The following SRRM2 variants were observed in gnomAD, a reference collection of about 807,000 sequenced individuals.
The protein encoded by SRRM2 is serine/arginine repetitive matrix protein 2.
SRRM2 carries 30 observed loss-of-function variants against 213.8 expected under a neutral mutation model. The ratio of observed to expected loss-of-function variants is 0.14; its 90% confidence interval spans 0.10 to 0.19. The LOEUF (loss-of-function observed/expected upper bound fraction) is 0.19. Among genes scored for constraint, SRRM2 ranks in the 10% least tolerant of loss-of-function variants. The probability of loss-of-function intolerance (pLI) is 1.00; values close to 1 mark genes in which losing one functional copy is unlikely to be tolerated. For missense variants in SRRM2, 4,904 were observed against 3,647.0 expected (o/e 1.34, Z -8.88); for synonymous variants, 2,025 against 1,377.7 (o/e 1.47, Z -10.40).
chr16:2,756,445 G>C lies in SRRM2; in HGVS notation c.81G>C (p.Arg27=). 1 of 1,613,060 alleles carries C rather than the reference G, an allele frequency of 6.2e-7. No individual in the cohort carries two copies. The highest frequency in any genetic ancestry group is 8.5e-7 in the Non-Finnish European group (1 of 1,179,604). ...GYVQRNLSLV[R]GRRGERPDYK... ...TCCAGCGCAACCTGTCCCTGGTGCGGGGCCGCCGGGGTGAGCGGCCTGACT... is the reference window on the plus strand; with the variant it reads ...TCCAGCGCAACCTGTCCCTGGTGCGCGGCCGCCGGGGTGAGCGGCCTGACT... Residue 27 remains arginine, a synonymous_variant, in exon 2 of 15, where the codon CGG becomes CGC. Transcript: ENST00000301740.
chr16:2,758,868 C>CAT, intron 5 of SRRM2, 117 bp from the exon 6 acceptor site: 1 of 1,077,424 alleles, frequency 9.3e-7, no homozygotes, highest in Non-Finnish European at 1.4e-6. Flanking sequence ...AGGTCTGGGG[C>CAT]ATTAGTGCTA....
intron 12 of SRRM2, 182 bp downstream of exon 12, chr16:2,769,466 G>A (rs564940642): frequency 1.1e-4 from 79 of 710,974 alleles, no homozygotes; most frequent in South Asian, 9.6e-4. Context: ...GAAGGGCTGC[G>A]CCATCCACAG....
chr16:2,769,630 T>C (rs981913760), intron 12 of SRRM2: 1 of 581,676 alleles, frequency 1.7e-6, no homozygotes, highest in South Asian at 1.5e-5. Flanking sequence ...GTCCACAGCC[T>C]CCTCCCTGTC....
At chr16:2,755,341 C>G (rs1023228439) in intron 1 of SRRM2, among the ~76,000 whole-genome samples, 1 of 152,082 alleles carries the variant, frequency 6.6e-6, no homozygotes, top group African/African-American at 2.4e-5. Context: ...CTAGGAAGTG[C>G]TATCCAGGGG....
Position 2,760,605 on chromosome 16 carries a change from C to G in SRRM2, c.1032+106C>G, listed in dbSNP as rs192291683. 1.4e-5 allele frequency: 19 copies of G among 1,352,926 alleles called. No homozygotes were observed. In the Admixed American group the frequency reaches 3.7e-4, roughly 26 times the overall value. The allele number at this position is 1,352,926 out of a possible 1,614,324, so 83.8% of individuals were successfully genotyped here. A position where few individuals can be genotyped will look rare whatever the true frequency, so the allele number is the denominator to read the frequency against. On this transcript the variant is annotated intron_variant, in intron 10 of 14. Coordinates refer to ENST00000301740, the MANE Select transcript of SRRM2 (RefSeq NM_016333.4). ...AATAACTTATTAAAATAAATAAATT[C>G]AGTTTTTTTTCCTGCATTTCTCTCC... is the stretch of plus-strand genomic sequence containing the variant.
At chr16:2,752,880 G>A in intron 1 of SRRM2, 34 bp downstream of exon 1, 1 of 200,624 alleles carries the variant, frequency 5.0e-6, no homozygotes, top group Non-Finnish European at 1.0e-5. Context: ...AGCCGGGTGG[G>A]GGAGGGGCGG....
At position 2,759,017 on chromosome 16, in the gene SRRM2, G is replaced by A; in HGVS notation, c.626G>A (p.Arg209Lys). Residue 209 changes from arginine to lysine, a missense_variant, in exon 6 of 15, where the codon AGA (arginine) becomes AAA (lysine). Physicochemically the swap from Arg to Lys is conservative, Grantham distance 26 (BLOSUM62 2). Transcript: ENST00000301740. Reference sequence around the variant, plus strand: ...GAGAGCAGCTCTCCTCGACGGGAGAGAAAGAAAAGCTCAAAGAAGAAGAAG... The same window carrying A: ...GAGAGCAGCTCTCCTCGACGGGAGAAAAAGAAAAGCTCAAAGAAGAAGAAG... ...RSESSSPRRE[R>K]KKSSKKKKHR... The A allele has an allele frequency of 6.2e-7, 1 of 1,614,212 alleles. No individual in the cohort carries two copies. The highest frequency in any genetic ancestry group is 8.5e-7 in the Non-Finnish European group (1 of 1,180,038).
Position 2,762,720 on chromosome 16 carries a change from A to G in SRRM2, c.2192A>G (p.Lys731Arg), listed in dbSNP as rs1389312937. Residue 731 changes from lysine (K) to arginine (R), a missense_variant, in exon 11 of 15, where the codon AAA becomes AGA. Physicochemically the swap from Lys to Arg is conservative, Grantham distance 26. Transcript: ENST00000301740. ...RGRSGSSSER[K>R]NKSRTSQRRS... The stretch of plus-strand genomic sequence containing the variant: ...AGATCTGGCTCATCTTCAGAGCGGA[A>G]AAACAAATCCAGAACATCTCAAAGA... 1.2e-6 allele frequency: 2 copies of G among 1,614,088 alleles called. No homozygotes were observed. Among genetic ancestry groups the G allele is most frequent in the Non-Finnish European group, 1.7e-6 (2 of 1,180,050 alleles).
chr16:2,766,488 C>T lies in SRRM2; in HGVS notation c.5960C>T (p.Ser1987Phe). ...CGCAGAAGATCAAGATCCAGAACAT[C>T]TCCGGTCACCCGAAGGAGATCTCGA... is the stretch of plus-strand genomic sequence containing the variant. ...ITRRRSRSRT[S>F]PVTRRRSRSR... The change falls in exon 11 of 15, where the codon TCT (serine) becomes TTT (phenylalanine). Residue 1987 changes from serine (S) to phenylalanine (F), a missense_variant. Ser to Phe is a radical substitution (Grantham distance 155). Transcript: ENST00000301740. This position sits in a 1 kb window ranked among gnomAD's most constrained non-coding sequence, Gnocchi z 7.0. 6.2e-7 allele frequency: 1 copy of T among 1,614,174 alleles called. No homozygotes were observed. Among genetic ancestry groups the T allele is most frequent in the South Asian group, 1.1e-5 (1 of 91,078 alleles).
Position 2,763,260 on chromosome 16 carries a change from G to A in SRRM2, c.2732G>A (p.Arg911Lys). The change falls in exon 11 of 15, where the codon AGG becomes AAG. Residue 911 changes from arginine to lysine, a missense_variant. By Grantham distance (26) the Arg-to-Lys change is conservative (BLOSUM62 2). Transcript: ENST00000301740. ...ACACCTCCCAGACAGAGCCCATCTA[G>A]GTCATCATCTCCACAACCCAAAGTG... ...SSTPPRQSPS[R>K]SSSPQPKVKA... The A allele has an allele frequency of 6.2e-7, 1 of 1,614,084 alleles. No individual in the cohort carries two copies. The highest frequency in any genetic ancestry group is 8.5e-7 in the Non-Finnish European group (1 of 1,180,002).
rs1481294230 is a variant in SRRM2, at chr16:2,762,880, A to G, written c.2352A>G (p.Pro784=). Residue 784 remains proline, a synonymous_variant, in exon 11 of 15, where the codon CCA becomes CCG. Coordinates refer to ENST00000301740, the MANE Select transcript of SRRM2 (RefSeq NM_016333.4). ...SLRRSLSGSS[P]CPKQKSQTPP... is the part of the protein sequence containing the mutation. ...GGCGCAGCCTTTCAGGGTCTTCCCC[A>G]TGCCCTAAACAAAAGTCACAGACAC... is the stretch of plus-strand genomic sequence containing the variant. 30 of 1,614,070 alleles carry G rather than the reference A, an allele frequency of 1.9e-5. No homozygotes were observed. Among genetic ancestry groups the G allele is most frequent in the Admixed American group, 3.3e-5 (2 of 60,002 alleles).
chr16:2,758,417 G>C, intron 4 of SRRM2, 53 bp from the exon 5 acceptor site: 1 of 1,422,218 alleles, frequency 7.0e-7, no homozygotes, highest in South Asian at 1.2e-5. Context: ...TTAAAGAAAA[G>C]AAAGGAATGT....
rs1172776818 is a variant in SRRM2 at position 2,763,361 on chromosome 16, A to G, written c.2833A>G (p.Thr945Ala). 9.9e-6 allele frequency: 16 copies of G among 1,614,210 alleles called. No homozygotes were observed. Among genetic ancestry groups the G allele is most frequent in the African/African-American group, 1.3e-5 (1 of 75,054 alleles). Residue 945 changes from threonine to alanine, a missense_variant, in exon 11 of 15, where the codon ACA becomes GCA. By Grantham distance (58) the Thr-to-Ala change is moderately conservative (BLOSUM62 0). Transcript: ENST00000301740. The part of the protein sequence containing the change: ...SPSPSRVTSR[T>A]TPRRSRSVSP... ...AAGTCCTAGTAGGGTGACGTCGAGA[A>G]CAACTCCACGGCGAAGCAGATCAGT...
chr16:2,765,034 C>G lies in SRRM2; in HGVS notation c.4506C>G (p.Ser1502=), dbSNP rs372730115. ...TPRPRSRSPS[S]PELNNKCLTP... is the part of the protein sequence containing the mutation. ...GGCCGAGGAGTCGTTCTCCATCATC[C>G]CCAGAGCTCAACAACAAGTGTCTTA... is the stretch of plus-strand genomic sequence containing the variant. Residue 1502 remains serine, a synonymous_variant, in exon 11 of 15, where the codon TCC becomes TCG. Transcript: ENST00000301740. The G allele has an allele frequency of 2.5e-6, 4 of 1,613,854 alleles. No homozygotes were observed. The highest frequency in any genetic ancestry group is 3.4e-6 in the Non-Finnish European group (4 of 1,180,026).
At chr16:2,757,628 T>TGGC (rs1296776346) in intron 3 of SRRM2, 49 bp downstream of exon 3, 4 of 1,588,076 alleles carry the variant, frequency 2.5e-6, no homozygotes, top group Non-Finnish European at 3.4e-6. Flanking sequence ...CTCTGGCTGC[T>TGGC]GGCTGCTGCT....
At position 2,766,184 on chromosome 16, in the gene SRRM2, C is replaced by T. The variant is rs77226128; in HGVS notation, c.5656C>T (p.Arg1886Cys). Residue 1886 changes from arginine to cysteine, a missense_variant, in exon 11 of 15, where the codon CGT becomes TGT. Arg to Cys is a radical substitution (Grantham distance 180, BLOSUM62 -3). Coordinates refer to ENST00000301740, the MANE Select transcript of SRRM2 (RefSeq NM_016333.4). The surrounding 1 kb of genome is among the most constrained non-coding windows in gnomAD (Gnocchi z 7.0). ...SRSRTPLISR[R>C]RSRSRTSPVS... ...GTCCAGAACCCCCCTGATAAGCCGA[C>T]GTAGGTCCAGATCTCGAACTTCACC... 1.1e-4 allele frequency: 185 copies of T among 1,614,152 alleles called. 1 individual carries two copies. In the East Asian group the frequency reaches 3.6e-3, roughly 31 times the overall value.
At chr16:2,761,520 C>T (rs189620136) in intron 10 of SRRM2, 41 bp from the exon 11 acceptor site, 62 of 1,443,420 alleles carry the variant, frequency 4.3e-5, no homozygotes, top group South Asian at 9.8e-5. Context: ...GAAGTTTTGG[C>T]GTTTATGAAT....
At position 2,769,038 on chromosome 16, in the gene SRRM2, A is replaced by G; in HGVS notation, c.7775A>G (p.Glu2592Gly). The G allele has an allele frequency of 6.2e-7, 1 of 1,614,010 alleles. No homozygotes were observed. Among genetic ancestry groups the G allele is most frequent in the Non-Finnish European group, 8.5e-7 (1 of 1,179,994 alleles). The change falls in exon 12 of 15, where the codon GAG becomes GGG. Residue 2592 changes from glutamate to glycine, a missense_variant. Transcript: ENST00000301740. Reference sequence around the variant, plus strand: ...CCAGCCCCAAAGGAGGCTGTTCGAGAGGGACGTCCTCCGGAGCCAACCCCA... The same window carrying G: ...CCAGCCCCAAAGGAGGCTGTTCGAGGGGGACGTCCTCCGGAGCCAACCCCA... ...PTPAPKEAVR[E>G]GRPPEPTPAK...
At chr16:2,760,929 C>G (rs1480522383) in intron 10 of SRRM2, 8 of 163,576 alleles carry the variant, frequency 4.9e-5, no homozygotes, top group African/African-American at 1.9e-4. Flanking sequence ...CAATTTTAAG[C>G]ATTAATCATT....
Sources: gnomAD v4.1 joint callset for allele counts (sites outside exome capture counted in the v4.1 genomes callset) on GRCh38, gnomAD v4.1.1 for gene constraint, Gnocchi (gnomAD v3.1) non-coding constraint, MANE v1.5 for transcripts, NCBI Gene and HGNC (gene_info 2026-07-23, HGNC 2026-07-21) for gene names.